Variants in ADK observed in about 807,000 individuals in gnomAD.
ADK encodes the protein N6,N6-dimethyladenosine kinase.
ADK carries 24 observed loss-of-function variants against 44.7 expected under a neutral mutation model. The ratio of observed to expected loss-of-function variants is 0.54; its 90% confidence interval spans 0.39 to 0.76. The LOEUF is 0.76. Among genes scored for constraint, ADK ranks in the 30% least tolerant of loss-of-function variants. The pLI is 0.00. For synonymous variants in ADK, 128 were observed against 142.6 expected, an observed-to-expected ratio of 0.90 and a Z score of 0.73; for missense variants, 321 against 425.1, an observed-to-expected ratio of 0.76 and a Z score of 2.15.
chr10:74,372,126 A>G lies in ADK; in HGVS notation c.274-22015A>G, dbSNP rs545908611. 11 of 749,808 alleles carry G rather than the reference A, an allele frequency of 1.5e-5. No homozygotes were observed. The Admixed American group carries it at 1.9e-4, about 13-fold the overall frequency. 46.4% of individuals were successfully genotyped at this position (749,808 alleles called of 1,614,324 possible). On this transcript the variant is annotated intron_variant, in intron 4 of 10. Coordinates refer to ENST00000539909, the MANE Select transcript of ADK (RefSeq NM_006721.4). ...TTCCCATGAACACCCATGGGAATTC[A>G]TGCCTGATCTCTACAGAGATCCTAA...
intron 3 of ADK, among the ~76,000 whole-genome samples, chr10:74,268,598 C>T (rs185497878): frequency 9.9e-5 from 15 of 152,262 alleles, no homozygotes; most frequent in African/African-American, 2.6e-4. Context: ...TGTTAGTCCA[C>T]TTGTAAGCAT....
At chr10:74,421,709 C>T (rs1284359903) in intron 6 of ADK, among the ~76,000 whole-genome samples, 1 of 151,962 alleles carries the variant, frequency 6.6e-6, no homozygotes, top group Non-Finnish European at 1.5e-5. Flanking sequence ...ACAACATAAG[C>T]ATGGAATATC....
At chr10:74,290,872 A>G (rs1847391768) in intron 3 of ADK, among the ~76,000 whole-genome samples, 1 of 152,138 alleles carries the variant, frequency 6.6e-6, no homozygotes, top group South Asian at 2.1e-4. Context: ...GGTTATATTT[A>G]GCCATTGGTA....
At chr10:74,367,913 T>A (rs542557317) in intron 4 of ADK, among the ~76,000 whole-genome samples, 1 of 152,332 alleles carries the variant, frequency 6.6e-6, no homozygotes, top group South Asian at 2.1e-4. Context: ...TGAGTTACAC[T>A]GCTGTTGACT....
chr10:74,630,612 A>G (rs1853375391), intron 9 of ADK, among the ~76,000 whole-genome samples: 1 of 152,148 alleles, frequency 6.6e-6, no homozygotes, highest in Non-Finnish European at 1.5e-5. Context: ...AAGACGTGAT[A>G]CTAATTAGCC....
At chr10:74,389,263 C>A (rs915383357) in intron 4 of ADK, among the ~76,000 whole-genome samples, 1 of 152,176 alleles carries the variant, frequency 6.6e-6, no homozygotes, top group African/African-American at 2.4e-5. Flanking sequence ...AAGGTTGAAT[C>A]TCCATCCTGG....
rs151145666 is a variant in ADK at position 74,165,839 on chromosome 10, T to G, written c.65+14496T>G. ...TCTCAAGTTTTCTTATTCACACATA[T>G]GTAGTTTTATCCCCCCCAAAATAAT... On this transcript the variant is annotated intron_variant, in intron 1 of 10. Coordinates refer to ENST00000539909, the MANE Select transcript of ADK (RefSeq NM_006721.4). Among the ~76,000 whole-genome samples, 328 of 152,370 alleles carry G rather than the reference T, an allele frequency of 2.2e-3. 2 individuals carry two copies. Among genetic ancestry groups the G allele is most frequent in the African/African-American group, 7.5e-3 (310 of 41,584 alleles).
chr10:74,290,074 A>G (rs1008299643), intron 3 of ADK, among the ~76,000 whole-genome samples: 26 of 147,724 alleles, frequency 1.8e-4, no homozygotes, highest in South Asian at 1.1e-3. Context: ...TAAACTACTC[A>G]CGCGCACACA....
At chr10:74,250,107 T>G (rs901037213) in intron 3 of ADK, among the ~76,000 whole-genome samples, 3 of 152,272 alleles carry the variant, frequency 2.0e-5, no homozygotes, top group Non-Finnish European at 4.4e-5. Context: ...AATGCAGAGA[T>G]GAGTAAGATA....
At chr10:74,430,130 TG>T (rs1423087529) in intron 6 of ADK, among the ~76,000 whole-genome samples, 1 of 152,228 alleles carries the variant, frequency 6.6e-6, no homozygotes, top group African/African-American at 2.4e-5. Flanking sequence ...TCCATCAGAC[TG>T]GCTTGTGTCC....
intron 6 of ADK, among the ~76,000 whole-genome samples, chr10:74,403,630 T>C (rs1365678933): frequency 6.6e-6 from 1 of 152,128 alleles, no homozygotes; most frequent in Non-Finnish European, 1.5e-5. Context: ...GTCCTGATTT[T>C]CCAGGTACCG....
chr10:74,205,687 A>G (rs1254621439), intron 2 of ADK, among the ~76,000 whole-genome samples: 1 of 151,226 alleles, frequency 6.6e-6, no homozygotes, highest in African/African-American at 2.4e-5. Context: ...AAAAAAAAAA[A>G]AAAAAAAAGA....
At chr10:74,320,535 A>G (rs543134043) in intron 4 of ADK, among the ~76,000 whole-genome samples, 12 of 152,202 alleles carry the variant, frequency 7.9e-5, no homozygotes, top group African/African-American at 2.6e-4. Flanking sequence ...AAAGTCAGGA[A>G]GTTTTGGACC....
chr10:74,572,569 G>A (rs1430035469), intron 7 of ADK, among the ~76,000 whole-genome samples: 1 of 152,206 alleles, frequency 6.6e-6, no homozygotes, highest in Non-Finnish European at 1.5e-5. Context: ...GATTGGGGAA[G>A]TTCTCCTGGA....
At chr10:74,402,194 T>C (rs928549451) in intron 6 of ADK, among the ~76,000 whole-genome samples, 1 of 152,210 alleles carries the variant, frequency 6.6e-6, no homozygotes, top group African/African-American at 2.4e-5. Flanking sequence ...ATTTCAACTT[T>C]GGTGAATCTG....
rs35998695 is a variant in ADK at position 74,215,665 on chromosome 10, CT to C, written c.141-8855del. ...CTTTATATAATACTGATAAATCACT[CT>C]TTTTTTTTTTTTTTTTTAAGACAGA... is the stretch of plus-strand genomic sequence containing the variant. On this transcript the variant is annotated intron_variant, in intron 2 of 10. Transcript: ENST00000539909. Among the ~76,000 whole-genome samples the C allele has an allele frequency of 9.0e-3, 1,157 of 129,250 alleles. 6 individuals carry two copies. The highest frequency in any genetic ancestry group is 0.018 in the African/African-American group (605 of 34,134). The allele number at this position is 129,250 out of a possible 152,430, so 84.8% of individuals were successfully genotyped here.
intron 6 of ADK, among the ~76,000 whole-genome samples, chr10:74,468,185 T>C (rs994125501): frequency 1.3e-5 from 2 of 152,198 alleles, no homozygotes; most frequent in Non-Finnish European, 1.5e-5. Context: ...AGATGTATAA[T>C]TTTGTCTCTT....
chr10:74,305,147 C>T (rs1840200981), intron 3 of ADK, among the ~76,000 whole-genome samples: 1 of 152,032 alleles, frequency 6.6e-6, no homozygotes, highest in African/African-American at 2.4e-5. Flanking sequence ...GGAATAATGT[C>T]AAGGAAAAAC....
At chr10:74,174,149 GA>G (rs575087302) in intron 1 of ADK, among the ~76,000 whole-genome samples, 3 of 147,588 alleles carry the variant, frequency 2.0e-5, no homozygotes, top group Non-Finnish European at 3.0e-5. Context: ...CTAAAAACAC[GA>G]AAAAAAAATT....
Sources: gnomAD v4.1 joint callset for allele counts (sites outside exome capture counted in the v4.1 genomes callset) on GRCh38, gnomAD v4.1.1 for gene constraint, MANE v1.5 for transcripts, NCBI Gene and HGNC (gene_info 2026-07-23, HGNC 2026-07-21) for gene names.